The following URI1 variants were observed in gnomAD, a reference collection of about 807,000 sequenced individuals.
The protein encoded by URI1 is URI1 prefoldin like chaperone.
URI1 carries 39 observed loss-of-function variants against 60.2 expected under a neutral mutation model. The ratio of observed to expected loss-of-function variants is 0.65; its 90% CI spans 0.50 to 0.85. The LOEUF is 0.85. Among genes scored for constraint, URI1 ranks in the 40% least tolerant of loss-of-function variants. URI1 has a pLI of 0.00. For synonymous variants in URI1, 251 were observed against 236.8 expected, an observed-to-expected ratio of 1.06 and a Z score of -0.55; for missense variants, 691 against 665.9, an observed-to-expected ratio of 1.04 and a Z score of -0.42.
In URI1 at chr19:29,963,816, C is replaced by T. The variant is rs181819875; in HGVS notation, c.118-7377C>T. Among the ~76,000 whole-genome samples, 20 of 152,290 alleles carry T rather than the reference C, an allele frequency of 1.3e-4. No individual in the cohort carries two copies. In the East Asian group the frequency reaches 3.9e-3, roughly 29 times the overall value. ...AAGGCCAGGTTGTTGTTTTAGTAAG[C>T]CATCTGCTGCTTCTGGTTTCTTCAG... On this transcript the variant is annotated intron_variant, in intron 1 of 10. Coordinates refer to ENST00000392271, the MANE Select transcript of URI1 (RefSeq NM_003796.3).
chr19:29,949,615 G>A (rs2055152342), intron 1 of URI1, among the ~76,000 whole-genome samples: 1 of 152,212 alleles, frequency 6.6e-6, no homozygotes, highest in African/African-American at 2.4e-5. Context: ...TCCAGCCTGG[G>A]CAACATTGAG....
intron 2 of URI1, among the ~76,000 whole-genome samples, chr19:29,981,153 G>A (rs1438613641): frequency 2.6e-5 from 4 of 151,240 alleles, no homozygotes; most frequent in African/African-American, 9.7e-5. Context: ...GATTAAAAAT[G>A]TTGATCCCTT....
At chr19:30,008,483 T>C (rs2055972345) in intron 7 of URI1, among the ~76,000 whole-genome samples, 1 of 152,138 alleles carries the variant, frequency 6.6e-6, no homozygotes, top group South Asian at 2.1e-4. Flanking sequence ...AATTTTGTTA[T>C]TTTTGTAAGG....
intron 2 of URI1, among the ~76,000 whole-genome samples, chr19:29,979,759 G>A (rs1430540705): frequency 2.0e-5 from 3 of 152,034 alleles, no homozygotes; most frequent in African/African-American, 7.3e-5. Flanking sequence ...ATCTTCTGAT[G>A]ACATAAATTC....
At position 29,973,459 on chromosome 19, in the gene URI1, T is replaced by G. The variant is rs548447981; in HGVS notation, c.152+2232T>G. On this transcript the variant is annotated intron_variant, in intron 2 of 10. Coordinates refer to ENST00000392271, the MANE Select transcript of URI1 (RefSeq NM_003796.3). ...ATTTCTGTTAAGCCCCTATTCTTTATGAGTACGCACCAGTATAGTAAAGAA... is the reference window on the plus strand; with the variant it reads ...ATTTCTGTTAAGCCCCTATTCTTTAGGAGTACGCACCAGTATAGTAAAGAA... 1.1e-4 allele frequency among the ~76,000 whole-genome samples: 16 copies of G among 152,308 alleles called. No homozygotes were observed. In the South Asian group the frequency reaches 2.5e-3, roughly 24 times the overall value.
At chr19:29,950,642 T>G (rs1039800138) in intron 1 of URI1, among the ~76,000 whole-genome samples, 1 of 152,204 alleles carries the variant, frequency 6.6e-6, no homozygotes, top group South Asian at 2.1e-4. Context: ...GAAGCACTTA[T>G]CATTTTACAT....
chr19:29,970,635 G>A (rs28726388), intron 1 of URI1, among the ~76,000 whole-genome samples: 1 of 152,036 alleles, frequency 6.6e-6, no homozygotes, highest in Non-Finnish European at 1.5e-5. Flanking sequence ...GAACAAATGA[G>A]CTGTTCAGAG....
intron 4 of URI1, among the ~76,000 whole-genome samples, chr19:29,999,132 T>C (rs2055847534): frequency 6.6e-6 from 1 of 152,156 alleles, no homozygotes; most frequent in African/African-American, 2.4e-5. Flanking sequence ...TATATCTTTA[T>C]ATATTGTGTC....
chr19:29,986,230 A>C, intron 3 of URI1, 52 bp from the exon 4 acceptor site: 1 of 1,478,220 alleles, frequency 6.8e-7, no homozygotes, highest in Middle Eastern at 1.8e-4. Flanking sequence ...TATAAAATGT[A>C]CTTTTCAGTG....
chr19:29,942,655 G>A lies in URI1; in HGVS notation c.108G>A (p.Glu36=). 6.9e-7 allele frequency: 1 copy of A among 1,441,464 alleles called. No homozygotes were observed. 89.3% of individuals were successfully genotyped at this position (1,441,464 alleles called of 1,614,324 possible). A position where few individuals can be genotyped will look rare whatever the true frequency, so the allele number is the denominator to read the frequency against. The stretch of plus-strand genomic sequence containing the variant: ...CGGATGTGGCGCGGCTGCGCGAGGA[G>A]CAGGAAAAGGTAACTAGCAGCCCCG... The part of the protein sequence containing the change: ...RAPDVARLRE[E]QEKVVTNCQE... Residue 36 remains glutamate, a synonymous_variant, in exon 1 of 11, where the codon GAG becomes GAA. Transcript: ENST00000392271.
chr19:30,013,761 C>T (rs1599730461), intron 10 of URI1, among the ~76,000 whole-genome samples: 1 of 152,120 alleles, frequency 6.6e-6, no homozygotes, highest in Admixed American at 6.5e-5. Context: ...TTTTCAAAGG[C>T]ATTTTAAATA....
At chr19:29,970,442 A>AT (rs1199698188) in intron 1 of URI1, among the ~76,000 whole-genome samples, 2 of 151,934 alleles carry the variant, frequency 1.3e-5, no homozygotes, top group Non-Finnish European at 2.9e-5. Context: ...AAATAGTGTT[A>AT]TTTTTTTAAA....
chr19:29,929,369 G>A (rs1051775186), intron 1 of URI1, among the ~76,000 whole-genome samples: 65 of 152,136 alleles, frequency 4.3e-4, no homozygotes, highest in African/African-American at 1.5e-3. Context: ...GATTGAGGTG[G>A]GCAGATTACT....
At chr19:29,972,026 A>AT (rs1169759899) in intron 2 of URI1, among the ~76,000 whole-genome samples, 3 of 152,096 alleles carry the variant, frequency 2.0e-5, no homozygotes, top group Non-Finnish European at 4.4e-5. Flanking sequence ...AGCATATAAT[A>AT]TTTTAAATTT....
chr19:29,942,785 A>G, intron 1 of URI1, 121 bp downstream of exon 1: 2 of 1,166,432 alleles, frequency 1.7e-6, no homozygotes, highest in Non-Finnish European at 2.2e-6. Context: ...GAACGGGGAT[A>G]AACTTTTGTC....
intron 4 of URI1, among the ~76,000 whole-genome samples, chr19:29,988,981 G>A (rs1368323178): frequency 6.6e-6 from 1 of 152,086 alleles, no homozygotes; most frequent in Non-Finnish European, 1.5e-5. Context: ...TTGAATAGGT[G>A]TATAGTGATT....
chr19:29,928,959 T>G (rs2054893237), intron 1 of URI1, among the ~76,000 whole-genome samples: 1 of 152,186 alleles, frequency 6.6e-6, no homozygotes, highest in Admixed American at 6.5e-5. Flanking sequence ...CTCTTCCTCT[T>G]ATTTAGAGAA....
At position 30,014,972 on chromosome 19, in the gene URI1, C is replaced by G; in HGVS notation, c.1511C>G (p.Thr504Ser). Reference sequence around the variant, plus strand: ...GCCATTGCTCATCCCGCACTACCCACTATTCCAGAACGAAAGGAAGTTCTG... The same window carrying G: ...GCCATTGCTCATCCCGCACTACCCAGTATTCCAGAACGAAAGGAAGTTCTG... ...PPAIAHPALPTIPERKEVLLE... is the reference protein window; with the variant it reads ...PPAIAHPALPSIPERKEVLLE... The change falls in exon 11 of 11, where the codon ACT (threonine) becomes AGT (serine). Residue 504 changes from threonine to serine, a missense_variant. Thr to Ser is a moderately conservative substitution (Grantham distance 58, BLOSUM62 1). Transcript: ENST00000392271. 11 of 1,613,860 alleles carry G rather than the reference C, an allele frequency of 6.8e-6. No individual in the cohort carries two copies. Among genetic ancestry groups the G allele is most frequent in the African/African-American group, 1.3e-5 (1 of 75,032 alleles).
chr19:29,934,385 T>A (rs1568402666), intron 1 of URI1, among the ~76,000 whole-genome samples: 1 of 152,202 alleles, frequency 6.6e-6, no homozygotes, highest in Non-Finnish European at 1.5e-5. Context: ...AGAAATTTAT[T>A]TTCTCACAAT....
Sources: gnomAD v4.1 joint callset for allele counts (sites outside exome capture counted in the v4.1 genomes callset) on GRCh38, gnomAD v4.1.1 for gene constraint, MANE v1.5 for transcripts, NCBI Gene and HGNC (gene_info 2026-07-23, HGNC 2026-07-21) for gene names.